MYO10: variants seen among roughly 807,000 people sequenced by gnomAD.
MYO10 encodes myosin X.
MYO10 carries 133 observed loss-of-function variants against 257.3 expected under a neutral mutation model. That is an observed-to-expected ratio of 0.52 (90% confidence interval 0.45 to 0.60). The LOEUF (loss-of-function observed/expected upper bound fraction) is 0.60, where lower values mean the gene tolerates loss of function less well. Ranked by LOEUF, MYO10 falls within the 20% of genes least tolerant of loss-of-function variation. MYO10 has a pLI of 0.00. For synonymous variants in MYO10, 1,104 were observed against 1,028.6 expected (o/e 1.07, Z -1.40); for missense variants, 2,399 against 2,635.7 (o/e 0.91, Z 1.97).
intron 25 of MYO10, among the ~76,000 whole-genome samples, chr5:16,700,741 G>A (rs902482952): frequency 1.7e-4 from 26 of 152,186 alleles, no homozygotes; most frequent in Non-Finnish European, 2.9e-4. Flanking sequence ...GCACAGCTCA[G>A]CTCTAGGCTT....
chr5:16,766,329 G>A, intron 10 of MYO10, 131 bp from the exon 11 acceptor site: 1 of 683,406 alleles, frequency 1.5e-6, no homozygotes. Context: ...TTATTGCTAA[G>A]TTACTCATTC....
chr5:16,669,493 C>T (rs903442480), intron 39 of MYO10, among the ~76,000 whole-genome samples: 18 of 152,340 alleles, frequency 1.2e-4, no homozygotes, highest in South Asian at 6.2e-4. Flanking sequence ...CATGAGCCAC[C>T]GCGCCCGGCC....
chr5:16,847,890 CT>C (rs1743684454), intron 2 of MYO10, among the ~76,000 whole-genome samples: 1 of 152,162 alleles, frequency 6.6e-6, no homozygotes, highest in African/African-American at 2.4e-5. Context: ...TAGCAAGACC[CT>C]GTCTCTAAAA....
chr5:16,789,317 A>G (rs182415669), intron 4 of MYO10, among the ~76,000 whole-genome samples: 1 of 152,288 alleles, frequency 6.6e-6, no homozygotes, highest in Admixed American at 6.5e-5. Context: ...TGCCATCTAT[A>G]ACACTACTTA....
intron 33 of MYO10, 130 bp from the exon 34 acceptor site, chr5:16,676,284 C>T: frequency 1.3e-5 from 14 of 1,079,706 alleles, no homozygotes; most frequent in Non-Finnish European, 1.7e-5. Flanking sequence ...TAGGTGGTTT[C>T]ATGGACGAAG....
At chr5:16,831,245 C>T (rs2560863) in intron 2 of MYO10, among the ~76,000 whole-genome samples, 5,180 of 152,204 alleles carry the variant, frequency 0.034, 219 homozygotes, top group African/African-American at 0.1. Flanking sequence ...ATGCGGTGAA[C>T]AGGGAACACT....
At position 16,701,237 on chromosome 5, in the gene MYO10, A is replaced by G; in HGVS notation, c.3158T>C (p.Leu1053Pro). Residue 1053 changes from leucine to proline, a missense_variant, in exon 25 of 41, where the codon CTC becomes CCC. Transcript: ENST00000513610. This position sits in a 1 kb window ranked among gnomAD's most constrained non-coding sequence, Gnocchi z 8.1. ...CCCGGAGTCCTGCACTGATGGGGCG[A>G]GCAGCACCGTGCTGTCCGCACTGGG... The part of the protein sequence containing the change: ...TSPSADSTVL[L>P]APSVQDSGSL... 1 of 1,613,016 alleles carries G rather than the reference A, an allele frequency of 6.2e-7. No homozygotes were observed. The highest frequency in any genetic ancestry group is 8.5e-7 in the Non-Finnish European group (1 of 1,179,562).
In MYO10 at chr5:16,694,591, G is replaced by T; in HGVS notation, c.3580C>A (p.Arg1194Ser). The T allele has an allele frequency of 6.2e-7, 1 of 1,613,880 alleles. No individual in the cohort carries two copies. Among genetic ancestry groups the T allele is most frequent in the Non-Finnish European group, 8.5e-7 (1 of 1,179,876 alleles). Residue 1194 changes from arginine (R) to serine (S), a missense_variant, in exon 27 of 41, where the codon CGC becomes AGC. Transcript: ENST00000513610. ...MKGGLMNSWK[R>S]RWCVLKDETF... is the part of the protein sequence containing the mutation. ...TCATCCTTGAGGACGCACCAGCGGC[G>T]TTTCCAAGAGTTCATCAGGCCACCT...
At chr5:16,699,341 G>GC in intron 26 of MYO10, 109 bp downstream of exon 26, 1 of 1,397,398 alleles carries the variant, frequency 7.2e-7, no homozygotes, top group Non-Finnish European at 9.6e-7. Flanking sequence ...CCATCCATCA[G>GC]CCCAGATACA....
intron 16 of MYO10, 31 bp from the exon 17 acceptor site, chr5:16,761,577 T>G (rs1740714963): frequency 6.6e-7 from 1 of 1,524,982 alleles, no homozygotes; most frequent in South Asian, 1.1e-5. Flanking sequence ...AGGAGAAAAC[T>G]GATTGAAAGA....
intron 36 of MYO10, among the ~76,000 whole-genome samples, chr5:16,673,351 C>T (rs1736562186): frequency 6.6e-6 from 1 of 150,850 alleles, no homozygotes; most frequent in African/African-American, 2.5e-5. Context: ...TGCAAACAAA[C>T]ACTTTGTTGC....
At chr5:16,782,584 C>T (rs547148229) in intron 5 of MYO10, among the ~76,000 whole-genome samples, 2 of 152,214 alleles carry the variant, frequency 1.3e-5, no homozygotes, top group East Asian at 1.9e-4. Flanking sequence ...TATTTTACCA[C>T]GATTTTAAAT....
Position 16,872,751 on chromosome 5 carries a change from T to C in MYO10, c.120+4858A>G, listed in dbSNP as rs1021540239. On this transcript the variant is annotated intron_variant, in intron 2 of 40. Transcript: ENST00000513610. ...CAGGAAGCGAAAGGCACTTCTTACA[T>C]GGTGGTGGCAAGAGAAAATGAGGAA... Among the ~76,000 whole-genome samples the C allele has an allele frequency of 3.9e-5, 6 of 152,142 alleles. 1 individual carries two copies. Among genetic ancestry groups the C allele is most frequent in the Admixed American group, 3.3e-4 (5 of 15,274 alleles).
intron 25 of MYO10, among the ~76,000 whole-genome samples, chr5:16,700,026 C>T (rs1278524829): frequency 6.6e-6 from 1 of 152,030 alleles, no homozygotes; most frequent in Middle Eastern, 3.2e-3. Context: ...AAGAGTTCAC[C>T]CCCTCTGAAT....
chr5:16,852,231 A>C (rs111806201), intron 2 of MYO10, among the ~76,000 whole-genome samples: 1 of 121,692 alleles, frequency 8.2e-6, no homozygotes, highest in African/African-American at 3.9e-5. Flanking sequence ...TTGAGAGTAC[A>C]GGCTAAAAAA....
intron 19 of MYO10, among the ~76,000 whole-genome samples, chr5:16,737,403 C>T (rs753204436): frequency 2.0e-4 from 30 of 152,272 alleles, no homozygotes; most frequent in Admixed American, 1.2e-3. Context: ...TGACACAGGA[C>T]GCACTGATAC....
chr5:16,776,552 T>C (rs1358182487), intron 9 of MYO10, among the ~76,000 whole-genome samples: 3 of 152,240 alleles, frequency 2.0e-5, no homozygotes, highest in Non-Finnish European at 4.4e-5. Context: ...GCTCATTATG[T>C]CAATTTCATG....
chr5:16,677,517 A>G (rs1237716976), intron 33 of MYO10, among the ~76,000 whole-genome samples: 2 of 146,024 alleles, frequency 1.4e-5, no homozygotes, highest in Non-Finnish European at 3.0e-5. Flanking sequence ...CCGGGTTCAC[A>G]CCATTCTCCT....
intron 1 of MYO10, among the ~76,000 whole-genome samples, chr5:16,923,627 C>G (rs1746050078): frequency 6.6e-6 from 1 of 150,526 alleles, no homozygotes; most frequent in Admixed American, 6.7e-5. Flanking sequence ...AGAAAGATTT[C>G]CTAGGTTAAT....
Sources: allele counts gnomAD v4.1 joint callset (sites outside exome capture counted in the v4.1 genomes callset), GRCh38; gene constraint gnomAD v4.1.1; non-coding constraint Gnocchi (gnomAD v3.1); transcripts MANE v1.5; gene names NCBI Gene and HGNC (gene_info 2026-07-23, HGNC 2026-07-21).